Variants in DACH2 observed in about 807,000 individuals in gnomAD.
DACH2 encodes the protein dachshund homolog 2.
A neutral mutation model predicts 35.8 loss-of-function variants in DACH2; 17 were observed. The ratio of observed to expected loss-of-function variants is 0.48; its 90% CI spans 0.33 to 0.71. The LOEUF is 0.71. DACH2 is among the 30% of genes least tolerant of loss of function. The probability of loss-of-function intolerance (pLI) is 0.02; values close to 1 mark genes in which losing one functional copy is unlikely to be tolerated. For missense variants in DACH2, 469 were observed against 472.7 expected, an observed-to-expected ratio of 0.99 and a Z score of 0.07; for synonymous variants, 195 against 177.3, an observed-to-expected ratio of 1.10 and a Z score of -0.79.
intron 1 of DACH2, among the ~76,000 whole-genome samples, chrX:86,203,563 A>G (rs2032209214): frequency 8.9e-6 from 1 of 112,081 alleles, no homozygotes; most frequent in African/African-American, 3.2e-5. Context: ...TAGCTAAGAT[A>G]TGGAAGCAAC....
chrX:86,491,742 G>A lies in DACH2; in HGVS notation c.528-22537G>A, dbSNP rs1002387455. Among the ~76,000 whole-genome samples, 5 of 111,521 alleles carry A rather than the reference G, an allele frequency of 4.5e-5. No homozygotes were observed. In the East Asian group the frequency reaches 1.1e-3, roughly 25 times the overall value. ...GAAAACAAAATGACAGTCGGGATGC[G>A]ACAGTTGAAAGAATACTAAAAGCAG... On this transcript the variant is annotated intron_variant, in intron 2 of 11. Coordinates refer to ENST00000373125, the MANE Select transcript of DACH2 (RefSeq NM_053281.3).
At chrX:86,339,690 C>G (rs953022021) in intron 1 of DACH2, among the ~76,000 whole-genome samples, 1 of 111,549 alleles carries the variant, frequency 9.0e-6, no homozygotes, top group Non-Finnish European at 1.9e-5. Flanking sequence ...TACTCTTAAT[C>G]CCTGCACCAC....
At chrX:86,406,617 G>T (rs1414109352) in intron 2 of DACH2, among the ~76,000 whole-genome samples, 5 of 112,304 alleles carry the variant, frequency 4.5e-5, no homozygotes, top group Non-Finnish European at 9.4e-5. Flanking sequence ...ATATTGACAT[G>T]CTTAAGACAG....
intron 11 of DACH2, among the ~76,000 whole-genome samples, chrX:86,819,978 A>G (rs766023350): frequency 9.0e-6 from 1 of 111,649 alleles, no homozygotes; most frequent in Admixed American, 9.6e-5. Context: ...TCCTAAATTT[A>G]AAAAAAATGA....
At chrX:86,361,184 A>G (rs184222231) in intron 1 of DACH2, among the ~76,000 whole-genome samples, 178 of 111,535 alleles carry the variant, frequency 1.6e-3, no homozygotes, top group Middle Eastern at 9.3e-3. Context: ...TAATTTTACT[A>G]TTTTGTGTGT....
At chrX:86,301,469 A>G (rs1449350598) in intron 1 of DACH2, among the ~76,000 whole-genome samples, 1 of 111,963 alleles carries the variant, frequency 8.9e-6, no homozygotes, top group Non-Finnish European at 1.9e-5. Flanking sequence ...GGTCAATGAT[A>G]GTCTTAACTA....
At chrX:86,499,325 A>G (rs1437353224) in intron 2 of DACH2, among the ~76,000 whole-genome samples, 1 of 111,680 alleles carries the variant, frequency 9.0e-6, no homozygotes, top group Non-Finnish European at 1.9e-5. Flanking sequence ...TTAAGTTCCC[A>G]TAACCCATTC....
intron 7 of DACH2, among the ~76,000 whole-genome samples, chrX:86,757,962 TC>T (rs1250076103): frequency 8.9e-6 from 1 of 112,306 alleles, no homozygotes; most frequent in East Asian, 2.8e-4. Flanking sequence ...GTTCAGCTTT[TC>T]TATTTCTTTC....
chrX:86,379,392 C>A (rs2036013708), intron 2 of DACH2, among the ~76,000 whole-genome samples: 1 of 110,048 alleles, frequency 9.1e-6, no homozygotes, highest in Admixed American at 9.8e-5. Context: ...CACATAATCC[C>A]ACTGTGCTAC....
At chrX:86,411,822 T>A (rs769570789) in intron 2 of DACH2, among the ~76,000 whole-genome samples, 2 of 111,563 alleles carry the variant, frequency 1.8e-5, no homozygotes, top group South Asian at 7.6e-4. Context: ...ACCCATCCTA[T>A]ATTCCCTTAG....
chrX:86,461,407 G>A (rs2037570647), intron 2 of DACH2, among the ~76,000 whole-genome samples: 2 of 111,162 alleles, frequency 1.8e-5, no homozygotes, highest in South Asian at 3.7e-4. Context: ...TTGGGGGGTG[G>A]ATTCTCATTC....
At chrX:86,784,774 A>G (rs1229732458) in intron 7 of DACH2, among the ~76,000 whole-genome samples, 1 of 112,247 alleles carries the variant, frequency 8.9e-6, no homozygotes, top group Admixed American at 9.5e-5. Context: ...CAGTAAATAT[A>G]TAGCAGAGAA....
Position 86,749,608 on chromosome X carries a change from G to A in DACH2, c.1240+9726G>A, listed in dbSNP as rs73510130. On this transcript the variant is annotated intron_variant, in intron 7 of 11. Coordinates refer to ENST00000373125, the MANE Select transcript of DACH2 (RefSeq NM_053281.3). ...AATTAGAGTAACATCAAAGATCGCT[G>A]ATAATAGACCACCATAAGTGATATA... Among the ~76,000 whole-genome samples the A allele has an allele frequency of 6.3e-3, 695 of 110,829 alleles. 1 individual carries two copies. The highest frequency in any genetic ancestry group is 0.022 in the African/African-American group (672 of 30,590).
intron 5 of DACH2, among the ~76,000 whole-genome samples, chrX:86,706,265 A>G (rs1183990334): frequency 9.0e-6 from 1 of 111,508 alleles, no homozygotes; most frequent in Non-Finnish European, 1.9e-5. Flanking sequence ...AATAACAAGA[A>G]AAAGTAATTT....
chrX:86,294,199 C>T (rs1302015486), intron 1 of DACH2, among the ~76,000 whole-genome samples: 3 of 111,821 alleles, frequency 2.7e-5, no homozygotes, highest in Non-Finnish European at 5.6e-5. Flanking sequence ...GATACGCTTT[C>T]TTCCAGTTGA....
chrX:86,822,369 G>A (rs776982720), intron 11 of DACH2, among the ~76,000 whole-genome samples: 1 of 111,974 alleles, frequency 8.9e-6, no homozygotes, highest in Non-Finnish European at 1.9e-5. Context: ...AGAAAGGCAG[G>A]ACCTATTATA....
chrX:86,432,218 G>A (rs191488889), intron 2 of DACH2, among the ~76,000 whole-genome samples: 6 of 112,197 alleles, frequency 5.3e-5, no homozygotes, highest in Non-Finnish European at 3.8e-5. Context: ...AATGGTTTGA[G>A]CAACAGAAAA....
intron 3 of DACH2, among the ~76,000 whole-genome samples, chrX:86,551,526 A>G (rs1193296424): frequency 8.9e-6 from 1 of 112,087 alleles, no homozygotes; most frequent in Non-Finnish European, 1.9e-5. Flanking sequence ...GAGGATTACT[A>G]GCATTGCTAA....
In DACH2 at chrX:86,339,583, G is replaced by C. The variant is rs1356729150; in HGVS notation, c.489-37241G>C. Among the ~76,000 whole-genome samples the C allele has an allele frequency of 4.5e-5, 5 of 111,301 alleles. No homozygotes were observed. The East Asian group carries it at 1.4e-3, about 32-fold the overall frequency. ...CTGTCTTACAGATAAGGAACCTGAGGCACAAGAAGGTCAAATGACTTGCTC... is the reference window on the plus strand; with the variant it reads ...CTGTCTTACAGATAAGGAACCTGAGCCACAAGAAGGTCAAATGACTTGCTC... On this transcript the variant is annotated intron_variant, in intron 1 of 11. Coordinates refer to ENST00000373125, the MANE Select transcript of DACH2 (RefSeq NM_053281.3).
Sources: gnomAD v4.1 joint callset for allele counts (sites outside exome capture counted in the v4.1 genomes callset) on GRCh38, gnomAD v4.1.1 for gene constraint, MANE v1.5 for transcripts, NCBI Gene and HGNC (gene_info 2026-07-23, HGNC 2026-07-21) for gene names.